AMOT: variants seen among roughly 807,000 people sequenced by gnomAD.
AMOT encodes angiomotin.
Under a neutral mutation model 67.0 loss-of-function variants are expected in AMOT, and 11 were observed. The observed-to-expected ratio is 0.16, with a 90% CI of 0.10 to 0.27. AMOT has a LOEUF of 0.27. Ranked by LOEUF, AMOT falls within the 10% of genes least tolerant of loss-of-function variation. AMOT has a pLI of 1.00. For synonymous variants in AMOT, 326 were observed against 321.4 expected (o/e 1.01, Z -0.15); for missense variants, 753 against 852.0 (o/e 0.88, Z 1.45).
intron 1 of AMOT, among the ~76,000 whole-genome samples, chrX:112,838,698 A>C (rs1274272196): frequency 1.8e-5 from 2 of 112,735 alleles, no homozygotes; most frequent in African/African-American, 6.4e-5. Context: ...AAATCTTTTA[A>C]ATAGGTAAAC....
rs191464476 is a variant in AMOT, at chrX:112,832,119, C to T, written c.-212+175G>A. ...GATCTTAGAGGGCATGGGCGGGGTG[C>T]GTGATTTTTCATTGTATGCATCCCA... On this transcript the variant is annotated intron_variant, in intron 2 of 13. Transcript: ENST00000371959. 2.9e-4 allele frequency among the ~76,000 whole-genome samples: 32 copies of T among 111,219 alleles called. No homozygotes were observed. In the East Asian group the frequency reaches 7.6e-3, roughly 26 times the overall value.
rs1933541102 is a variant in AMOT, at chrX:112,790,716, G to A, written c.1993C>T (p.Arg665Trp). The A allele has an allele frequency of 8.3e-7, 1 of 1,210,460 alleles. No individual in the cohort carries two copies. Among genetic ancestry groups the A allele is most frequent in the Non-Finnish European group, 1.1e-6 (1 of 894,943 alleles). Residue 665 changes from arginine to tryptophan, a missense_variant, in exon 10 of 14, where the codon CGG becomes TGG. By Grantham distance (101) the Arg-to-Trp change is moderately radical. Around this residue, in one of 5 missense-constraint regions of AMOT, gnomAD observed 66 missense variants for 112.9 expected, o/e 0.58. Coordinates refer to ENST00000371959, the MANE Select transcript of AMOT (RefSeq NM_001113490.2). The part of the protein sequence containing the change: ...YNAAALMELL[R>W]EKEERILALE... ...GCCAGAATCCTCTCCTCTTTCTCCC[G>A]AAGGAGCTCCATCAGTGCAGCAGCA...
At chrX:112,788,966 A>T (rs944880703) in intron 10 of AMOT, among the ~76,000 whole-genome samples, 5 of 112,217 alleles carry the variant, frequency 4.5e-5, no homozygotes, top group African/African-American at 1.6e-4. Context: ...TCAAAGGACG[A>T]AGGAAGGAGG....
At chrX:112,795,722 G>A (rs977992185) in intron 8 of AMOT, among the ~76,000 whole-genome samples, 11 of 111,070 alleles carry the variant, frequency 9.9e-5, no homozygotes, top group Non-Finnish European at 1.7e-4. Context: ...ATGGTGGGTG[G>A]GTTGTATCAG....
At position 112,777,381 on chromosome X, in the gene AMOT, C is replaced by T. The variant is rs1932966451; in HGVS notation, c.*1186G>A. The stretch of plus-strand genomic sequence containing the variant: ...TCCCAAAGGTATTCCAAGATGGTGT[C>T]ACTGACAGTGAGAAGAGGTAGTTGA... On this transcript the variant is annotated 3_prime_UTR_variant, in exon 14 of 14. Transcript: ENST00000371959. The T allele has an allele frequency of 1.8e-5, 2 of 111,917 alleles. No individual in the cohort carries two copies. Among genetic ancestry groups the T allele is most frequent in the Admixed American group, 9.5e-5 (1 of 10,567 alleles). 9.2% of individuals were successfully genotyped at this position (111,917 alleles called of 1,213,427 possible).
chrX:112,790,109 C>T (rs1018924088), intron 10 of AMOT, among the ~76,000 whole-genome samples: 2 of 105,191 alleles, frequency 1.9e-5, no homozygotes, highest in African/African-American at 7.0e-5. Context: ...AAATATTGAC[C>T]TTCCCAAAGG....
Position 112,779,038 on chromosome X carries a change from C to T in AMOT, c.3116G>A (p.Arg1039His), listed in dbSNP as rs769972836. ...GCAGGTCAAACTTGGTATAGACAAA[C>T]GATGTGGTCCAGGACCGGTAGCTGG... is the stretch of plus-strand genomic sequence containing the variant. ...ASPATGPGPH[R>H]LSIPSLTCNP... The change falls in exon 13 of 14, where the codon CGT becomes CAT. Residue 1039 changes from arginine to histidine, a missense_variant. Arg to His is a conservative substitution (Grantham distance 29). This residue lies in a region of AMOT where 269 missense variants were observed against 300.9 expected (regional missense o/e 0.89). Transcript: ENST00000371959. 2.2e-5 allele frequency: 27 copies of T among 1,209,597 alleles called. No individual in the cohort carries two copies. The highest frequency in any genetic ancestry group is 5.3e-5 in the South Asian group (3 of 56,810).
Position 112,815,675 on chromosome X carries a change from T to G in AMOT, c.1075A>C (p.Asn359His). 8.5e-7 allele frequency: 1 copy of G among 1,175,836 alleles called. No homozygotes were observed. Among genetic ancestry groups the G allele is most frequent in the Non-Finnish European group, 1.1e-6 (1 of 878,019 alleles). Reference sequence around the variant, plus strand: ...TAATGATCCCCCTGGTGAGCCTGATTAGGAAGGAAATGCTGCTGCGGCCTA... The same window carrying G: ...TAATGATCCCCCTGGTGAGCCTGATGAGGAAGGAAATGCTGCTGCGGCCTA... ...LPRPQQHFLP[N>H]QAHQGDHYRL... Residue 359 changes from asparagine to histidine, a missense_variant, in exon 5 of 14, where the codon AAT (asparagine) becomes CAT (histidine). By Grantham distance (68) the Asn-to-His change is moderately conservative. Around this residue, in one of 5 missense-constraint regions of AMOT, gnomAD observed 297 missense variants for 284.3 expected, o/e 1.04. Coordinates refer to ENST00000371959, the MANE Select transcript of AMOT (RefSeq NM_001113490.2).
intron 1 of AMOT, among the ~76,000 whole-genome samples, chrX:112,839,062 C>T (rs1263301785): frequency 1.8e-5 from 2 of 112,276 alleles, no homozygotes; most frequent in African/African-American, 6.5e-5. Context: ...TTAAAATTGT[C>T]GCCCTTCTCT....
At chrX:112,813,216 CCT>C (rs1350367604) in intron 5 of AMOT, among the ~76,000 whole-genome samples, 2 of 111,576 alleles carry the variant, frequency 1.8e-5, no homozygotes, top group Non-Finnish European at 3.8e-5. Context: ...TCCCCTACCC[CCT>C]GTGTAGATAC....
In AMOT at chrX:112,779,389, G is replaced by A; in HGVS notation, c.2765C>T (p.Ala922Val). The change falls in exon 13 of 14, where the codon GCT becomes GTT. Residue 922 changes from alanine to valine, a missense_variant. Physicochemically the swap from Ala to Val is moderately conservative, Grantham distance 64. Around this residue, in one of 5 missense-constraint regions of AMOT, gnomAD observed 269 missense variants for 300.9 expected, o/e 0.89. Transcript: ENST00000371959. Reference protein sequence around the residue: ...PVAVAAAAAPAAAAAPSPATA... With the variant: ...PVAVAAAAAPVAAAAPSPATA... ...GGCTGGAGACGGGGCAGCAGCAGCA[G>A]CTGGAGCAGCAGCAGCAGCAACAGC... 1 of 1,082,130 alleles carries A rather than the reference G, an allele frequency of 9.2e-7. No individual in the cohort carries two copies. The allele number at this position is 1,082,130 out of a possible 1,213,427, so 89.2% of individuals were successfully genotyped here.
chrX:112,781,928 G>T (rs944589828), intron 11 of AMOT, among the ~76,000 whole-genome samples: 1 of 111,582 alleles, frequency 9.0e-6, no homozygotes, highest in Non-Finnish European at 1.9e-5. Context: ...TAGCTCTGTC[G>T]CTCAGGCTGG....
rs1176508776 is a variant in AMOT at position 112,787,172 on chromosome X, T to C, written c.2117+3420A>G. ...AGAGGTGTATCATAATATCAAAGTG[T>C]TGGAAGGGGTATAAATAGACCACCT... is the stretch of plus-strand genomic sequence containing the variant. On this transcript the variant is annotated intron_variant, in intron 10 of 13. Transcript: ENST00000371959. Among the ~76,000 whole-genome samples, 4 of 112,050 alleles carry C rather than the reference T, an allele frequency of 3.6e-5. No individual in the cohort carries two copies. In the East Asian group the frequency reaches 1.1e-3, roughly 31 times the overall value.
chrX:112,827,345 T>G (rs990293510), intron 2 of AMOT, among the ~76,000 whole-genome samples: 4 of 112,384 alleles, frequency 3.6e-5, no homozygotes, highest in African/African-American at 1.3e-4. Flanking sequence ...CATCTACATG[T>G]CAAGAGTCAC....
In AMOT at chrX:112,790,755, C is replaced by T; in HGVS notation, c.1954G>A (p.Val652Ile). 8.4e-7 allele frequency: 1 copy of T among 1,194,803 alleles called. No homozygotes were observed. The highest frequency in any genetic ancestry group is 1.7e-5 in the African/African-American group (1 of 57,351). Residue 652 changes from valine (V) to isoleucine (I), a missense_variant, in exon 10 of 14, where the codon GTT becomes ATT. Val to Ile is a conservative substitution (Grantham distance 29, BLOSUM62 3). Around this residue, in one of 5 missense-constraint regions of AMOT, gnomAD observed 66 missense variants for 112.9 expected, o/e 0.58. Transcript: ENST00000371959. The stretch of plus-strand genomic sequence containing the variant: ...AGTGCAGCAGCATTGTATTCTGAAA[C>T]GTTGGTGGGCTGACAGTTGCCCTGA... The part of the protein sequence containing the change: ...QRQGNCQPTN[V>I]SEYNAAALME...
chrX:112,834,762 G>T (rs1297537072), intron 1 of AMOT, among the ~76,000 whole-genome samples: 1 of 112,806 alleles, frequency 8.9e-6, no homozygotes, highest in Non-Finnish European at 1.9e-5. Flanking sequence ...ACACACAGAA[G>T]TTTGCTTTAT....
intron 2 of AMOT, among the ~76,000 whole-genome samples, chrX:112,827,547 G>A (rs1934873241): frequency 2.7e-5 from 3 of 112,029 alleles, no homozygotes; most frequent in Admixed American, 1.9e-4. Flanking sequence ...CACACAGACT[G>A]TCTCTGAGAA....
At chrX:112,832,235 A>G (rs1028543995) in intron 2 of AMOT, 59 bp downstream of exon 2, 7 of 111,998 alleles carry the variant, frequency 6.3e-5, no homozygotes, top group Admixed American at 1.9e-4. Flanking sequence ...TAGAGGCCAC[A>G]GCAGGAGAAG....
rs1933000575 is a variant in AMOT at position 112,778,658 on chromosome X, G to A, written c.3164C>T (p.Pro1055Leu). 8.4e-7 allele frequency: 1 copy of A among 1,191,550 alleles called. No homozygotes were observed. Among genetic ancestry groups the A allele is most frequent in the Admixed American group, 2.2e-5 (1 of 44,959 alleles). Residue 1055 changes from proline (P) to leucine (L), a missense_variant, in exon 14 of 14, where the codon CCT becomes CTT. Pro to Leu is a moderately conservative substitution (Grantham distance 98, BLOSUM62 -3). Transcript: ENST00000371959. The stretch of plus-strand genomic sequence containing the variant: ...TTCCAGAGTATTGGAGTGGAACACA[G>A]GCCCATCTAAATGGAAATAAGGGTT... ...LTCNPDKTDG[P>L]VFHSNTLERK...
Sources: allele counts gnomAD v4.1 joint callset (sites outside exome capture counted in the v4.1 genomes callset), GRCh38; gene constraint gnomAD v4.1.1; regional missense constraint gnomAD v4.1.1; transcripts MANE v1.5; gene names NCBI Gene and HGNC (gene_info 2026-07-23, HGNC 2026-07-21).